The following GET4 variants were observed in gnomAD, a reference collection of about 807,000 sequenced individuals.
GET4 encodes the protein guided entry of tail-anchored proteins factor 4.
In GET4, 20 loss-of-function variants were observed where a neutral mutation model predicts 40.0. The ratio of observed to expected loss-of-function variants is 0.50; its 90% CI spans 0.35 to 0.73. The LOEUF (loss-of-function observed/expected upper bound fraction) is 0.73. Ranked by LOEUF, GET4 falls within the 30% of genes least tolerant of loss-of-function variation. The pLI is 0.01. For synonymous variants in GET4, 280 were observed against 194.6 expected (o/e 1.44, Z -3.65); for missense variants, 557 against 454.0 (o/e 1.23, Z -2.06).
At chr7:886,187 G>T (rs545446400) in intron 2 of GET4, 53 bp downstream of exon 2, 24 of 1,217,490 alleles carry the variant, frequency 2.0e-5, no homozygotes, top group Non-Finnish European at 2.7e-5. Context: ...CAGGCAAGTG[G>T]AGGTGGGAAT....
intron 5 of GET4, among the ~76,000 whole-genome samples, chr7:891,918 C>A: frequency 6.6e-6 from 1 of 152,260 alleles, no homozygotes; most frequent in East Asian, 1.9e-4. Context: ...TGTGCGGCAC[C>A]CACCAGCTGC....
In GET4 at chr7:876,600, C is replaced by G; in HGVS notation, c.-46C>G. ...CGGGACGGAAGCCGGGAGGCGCTGC[C>G]GACCGCGCCTGCGACAGCGTCAGCC... On this transcript the variant is annotated 5_prime_UTR_variant, in exon 1 of 9. Transcript: ENST00000265857. The G allele has an allele frequency of 8.6e-7, 1 of 1,160,904 alleles. No homozygotes were observed. Among genetic ancestry groups the G allele is most frequent in the South Asian group, 4.2e-5 (1 of 23,826 alleles). The allele number at this position is 1,160,904 out of a possible 1,614,324, so 71.9% of individuals were successfully genotyped here. A position where few individuals can be genotyped will look rare whatever the true frequency, so the allele number is the denominator to read the frequency against.
chr7:893,751 C>A lies in GET4; in HGVS notation c.758C>A (p.Thr253Lys), dbSNP rs772295368. The A allele has an allele frequency of 1.2e-5, 19 of 1,604,708 alleles. No individual in the cohort carries two copies. Among genetic ancestry groups the A allele is most frequent in the South Asian group, 3.3e-5 (3 of 90,336 alleles). Residue 253 changes from threonine to lysine, a missense_variant, in exon 7 of 9, where the codon ACG (threonine) becomes AAG (lysine). Physicochemically the swap from Thr to Lys is moderately conservative, Grantham distance 78 (BLOSUM62 -1). Coordinates refer to ENST00000265857, the MANE Select transcript of GET4 (RefSeq NM_015949.3). ...LLLAVDGGKL[T>K]VFTVLCEQYQ... ...TGTCTCTGTCCCAGTGGGAAGCTGA[C>A]GGTGTTCACTGTGCTGTGTGAGCAG... is the stretch of plus-strand genomic sequence containing the variant.
chr7:885,847 G>A, intron 1 of GET4: 1 of 580,324 alleles, frequency 1.7e-6, no homozygotes, highest in Non-Finnish European at 3.1e-6. Context: ...TAGGCCCTTA[G>A]TGTCCAGAGG....
chr7:877,019 C>T (rs1366658230), intron 1 of GET4, among the ~76,000 whole-genome samples: 3 of 151,820 alleles, frequency 2.0e-5, no homozygotes, highest in African/African-American at 7.3e-5. Context: ...CCTCTGACTC[C>T]CGCCTCGGCT....
chr7:888,949 C>A (rs759803419), intron 4 of GET4, among the ~76,000 whole-genome samples: 1 of 152,254 alleles, frequency 6.6e-6, no homozygotes, highest in African/African-American at 2.4e-5. Flanking sequence ...GGTGGCCGCC[C>A]TCGCCACTCC....
At chr7:893,268 C>T (rs1323614379) in intron 6 of GET4, among the ~76,000 whole-genome samples, 21 of 31,628 alleles carry the variant, frequency 6.6e-4, no homozygotes, top group East Asian at 2.1e-3. Context: ...GGCGCGGGCG[C>T]GGTGGTGTGT....
At position 886,840 on chromosome 7, in the gene GET4, C is replaced by T. The variant is rs117669599; in HGVS notation, c.316+190C>T. ...CCTGGCTGACCCTGGCGCGAGCACA[C>T]GGCAGGCTGAGCAGGACCTGCTGTG... On this transcript the variant is annotated intron_variant, in intron 3 of 8. Transcript: ENST00000265857. Among the ~76,000 whole-genome samples, 25 of 152,346 alleles carry T rather than the reference C, an allele frequency of 1.6e-4. No individual in the cohort carries two copies. The East Asian group carries it at 2.3e-3, about 14-fold the overall frequency.
intron 1 of GET4, chr7:881,340 C>T (rs1397402433): frequency 6.6e-6 from 1 of 151,774 alleles, no homozygotes; most frequent in African/African-American, 2.4e-5. Context: ...GCCCCCACTC[C>T]CACCCCACCC....
At position 876,718 on chromosome 7, in the gene GET4, C is replaced by T; in HGVS notation, c.73C>T (p.Arg25Cys). Reference sequence around the variant, plus strand: ...CGGCCGCAACCGCGGCGGCGTCCAGCGTGTGGAGGGCAAGCTGCGCGCCAG... The same window carrying T: ...CGGCCGCAACCGCGGCGGCGTCCAGTGTGTGGAGGGCAAGCTGCGCGCCAG... ...NGGRNRGGVQRVEGKLRASVE... is the reference protein window; with the variant it reads ...NGGRNRGGVQCVEGKLRASVE... Residue 25 changes from arginine (R) to cysteine (C), a missense_variant, in exon 1 of 9, where the codon CGT (arginine) becomes TGT (cysteine). Physicochemically the swap from Arg to Cys is radical, Grantham distance 180. Transcript: ENST00000265857. 7.3e-7 allele frequency: 1 copy of T among 1,373,546 alleles called. No individual in the cohort carries two copies. The highest frequency in any genetic ancestry group is 9.5e-7 in the Non-Finnish European group (1 of 1,048,078). The allele number at this position is 1,373,546 out of a possible 1,614,324, so 85.1% of individuals were successfully genotyped here.
At position 896,413 on chromosome 7, in the gene GET4, A is replaced by G. The variant is rs980207479; in HGVS notation, c.*991A>G. The G allele has an allele frequency of 1.3e-5, 2 of 152,200 alleles. No individual in the cohort carries two copies. The highest frequency in any genetic ancestry group is 2.9e-5 in the Non-Finnish European group (2 of 68,030). The allele number at this position is 152,200 out of a possible 1,614,324, so 9.4% of individuals were successfully genotyped here. On this transcript the variant is annotated 3_prime_UTR_variant, in exon 9 of 9. Transcript: ENST00000265857. ...GGAAGGCTTGTGTGAACCGTTGCGC[A>G]TAAATAAACCCTTTCTACCGGGCTG...
At chr7:895,052 A>G (rs1356954734) in intron 8 of GET4, among the ~76,000 whole-genome samples, 1 of 150,542 alleles carries the variant, frequency 6.6e-6, no homozygotes, top group East Asian at 2.0e-4. Flanking sequence ...GTGGTTCTGT[A>G]GGCCCCCGTG....
At position 887,425 on chromosome 7, in the gene GET4, C is replaced by G. The variant is rs769312148; in HGVS notation, c.372C>G (p.Thr124=). 4 of 1,604,578 alleles carry G rather than the reference C, an allele frequency of 2.5e-6. No individual in the cohort carries two copies. The highest frequency in any genetic ancestry group is 3.4e-6 in the Non-Finnish European group (4 of 1,174,484). The change falls in exon 4 of 9, where the codon ACC becomes ACG. Residue 124 remains threonine, a synonymous_variant. Coordinates refer to ENST00000265857, the MANE Select transcript of GET4 (RefSeq NM_015949.3). The part of the protein sequence containing the change: ...LMDPNSPERV[T]FVSRALKWSS... ...ACCCCAACTCTCCTGAGCGCGTGAC[C>G]TTTGTGTCCAGAGCCCTGAAGTGGT... is the stretch of plus-strand genomic sequence containing the variant.
chr7:887,551 C>T (rs748661727), intron 4 of GET4, 32 bp downstream of exon 4: 2 of 1,473,962 alleles, frequency 1.4e-6, no homozygotes, highest in South Asian at 1.4e-5. Context: ...GCGTGGGCAC[C>T]TCTCTGCTCT....
At chr7:894,068 A>C in intron 8 of GET4, 97 bp downstream of exon 8, 1 of 673,238 alleles carries the variant, frequency 1.5e-6, no homozygotes, top group South Asian at 2.2e-5. Context: ...CTTCACGTGG[A>C]AGTGGTTTTC....
At position 893,972 on chromosome 7, in the gene GET4, G is replaced by A; in HGVS notation, c.895+1G>A. On this transcript the variant is annotated splice_donor_variant, in intron 8 of 8. Transcript: ENST00000265857. LOFTEE classifies it high-confidence loss of function. ...ACGTCTTCCTACGGGGGCCTGCTCG[G>A]TAAGCCGGGGCGCCCTTGTCACACC... 1.9e-6 allele frequency: 3 copies of A among 1,584,466 alleles called. No individual in the cohort carries two copies. Among genetic ancestry groups the A allele is most frequent in the Non-Finnish European group, 2.6e-6 (3 of 1,163,276 alleles).
At chr7:895,280 G>A (rs1434569857) in intron 8 of GET4, 54 bp from the exon 9 acceptor site, 7 of 845,642 alleles carry the variant, frequency 8.3e-6, no homozygotes, top group East Asian at 2.5e-5. Context: ...GGAGGGGCTT[G>A]GGGGCCTGTG....
intron 8 of GET4, among the ~76,000 whole-genome samples, chr7:894,694 G>A (rs561868692): frequency 6.6e-6 from 1 of 152,228 alleles, no homozygotes; most frequent in African/African-American, 2.4e-5. Flanking sequence ...CCGTCAGGGC[G>A]TGTCCTGAGA....
Position 893,902 on chromosome 7 carries a change from C to G in GET4, c.826C>G (p.Leu276Val), listed in dbSNP as rs776411638. The G allele has an allele frequency of 3.7e-6, 6 of 1,612,214 alleles. No homozygotes were observed. The highest frequency in any genetic ancestry group is 5.1e-6 in the Non-Finnish European group (6 of 1,179,096). The change falls in exon 8 of 9, where the codon CTC becomes GTC. Residue 276 changes from leucine (L) to valine (V), a missense_variant. Transcript: ENST00000265857. The stretch of plus-strand genomic sequence containing the variant: ...GCCCGCTGCCTGTGCCTTGCAGTAC[C>G]TCGACCGCATAGGACAGCTGTTCTT... ...LRRDPMYNEYLDRIGQLFFGV... is the reference protein window; with the variant it reads ...LRRDPMYNEYVDRIGQLFFGV...
Sources: gnomAD v4.1 joint callset for allele counts (sites outside exome capture counted in the v4.1 genomes callset) on GRCh38, gnomAD v4.1.1 for gene constraint, MANE v1.5 for transcripts, NCBI Gene and HGNC (gene_info 2026-07-23, HGNC 2026-07-21) for gene names.